The following APOLD1 variants were observed in gnomAD, a reference collection of about 807,000 sequenced individuals.
APOLD1 encodes apolipoprotein L domain-containing protein 1.
Under a neutral mutation model 15.3 loss-of-function variants are expected in APOLD1, and 22 were observed. The ratio of observed to expected loss-of-function variants is 1.44; its 90% CI spans 1.03 to 2.05. The LOEUF is 2.05. Among genes scored for constraint, APOLD1 ranks in the 30% most tolerant of loss-of-function variants. The pLI is 0.00. For synonymous variants in APOLD1, 190 were observed against 167.4 expected (o/e 1.13, Z -1.04); for missense variants, 394 against 353.5 (o/e 1.11, Z -0.92).
At chr12:12,774,481 G>A (rs919532808) in intron 1 of APOLD1, among the ~76,000 whole-genome samples, 3 of 141,722 alleles carry the variant, frequency 2.1e-5, no homozygotes, top group Non-Finnish European at 4.5e-5. Context: ...AGAAGGCAGA[G>A]GTTGCAGTGA....
chr12:12,754,121 C>T (rs183839508), intron 1 of APOLD1, among the ~76,000 whole-genome samples: 70 of 136,654 alleles, frequency 5.1e-4, no homozygotes, highest in Admixed American at 2.1e-3. Context: ...GAGGCTCACT[C>T]GAACCCAAGA....
intron 1 of APOLD1, among the ~76,000 whole-genome samples, chr12:12,758,142 TA>T (rs1182939715): frequency 4.4e-4 from 66 of 150,160 alleles, no homozygotes; most frequent in African/African-American, 8.1e-4. Context: ...TTCACTGTGT[TA>T]GCCAGGATGT....
In APOLD1 at chr12:12,787,008, G is replaced by A. The variant is rs1947133505; in HGVS notation, c.103G>A (p.Val35Met). ...LDRRGRLHGQ[V>M]LRLREVARRL... ...CCGCCGAGGCCGGCTGCACGGCCAG[G>A]TGCTGCGCCTGCGCGAGGTGGCCCG... is the stretch of plus-strand genomic sequence containing the variant. Residue 35 changes from valine (V) to methionine (M), a missense_variant, in exon 2 of 2, where the codon GTG (valine) becomes ATG (methionine). Coordinates refer to ENST00000356591, the MANE Select transcript of APOLD1 (RefSeq NM_030817.3). This position sits in a 1 kb window ranked among gnomAD's most constrained non-coding sequence, Gnocchi z 4.9. The A allele has an allele frequency of 9.3e-6, 13 of 1,398,622 alleles. No homozygotes were observed. In the South Asian group the frequency reaches 1.6e-4, roughly 17 times the overall value. 86.6% of individuals were successfully genotyped at this position (1,398,622 alleles called of 1,614,324 possible). A position where few individuals can be genotyped will look rare whatever the true frequency, so the allele number is the denominator to read the frequency against.
chr12:12,748,618 C>T (rs1946783392), intron 1 of APOLD1, among the ~76,000 whole-genome samples: 1 of 151,174 alleles, frequency 6.6e-6, no homozygotes, highest in Non-Finnish European at 1.5e-5. Flanking sequence ...CCAAATCTTT[C>T]TTCTAGCTAT....
At chr12:12,770,467 C>T (rs962827998) in intron 1 of APOLD1, among the ~76,000 whole-genome samples, 5 of 150,852 alleles carry the variant, frequency 3.3e-5, no homozygotes, top group Non-Finnish European at 2.9e-5. Flanking sequence ...ATGTCTTTGA[C>T]GTGCTTATTA....
chr12:12,735,025 G>T (rs2136369978), intron 1 of APOLD1, among the ~76,000 whole-genome samples: 1 of 152,256 alleles, frequency 6.6e-6, no homozygotes, highest in Middle Eastern at 3.4e-3. Flanking sequence ...AACTGAGGAA[G>T]CAAGCAGGGG....
intron 1 of APOLD1, among the ~76,000 whole-genome samples, chr12:12,776,003 C>CAAAAAAAAAAAAAAAAAAAAAAAAA (rs34623976): frequency 1.6e-5 from 1 of 62,204 alleles, no homozygotes; most frequent in African/African-American, 6.4e-5. Flanking sequence ...GACCCAGTCT[C>CAAAAAAAAAAAAAAAAAAAAAAAAA]AAAAAAAAAA....
In APOLD1 at chr12:12,772,467, G is replaced by A. The variant is rs1019863976; in HGVS notation, c.97-14442G>A. On this transcript the variant is annotated intron_variant, in intron 1 of 1. Transcript: ENST00000326765. ...TTACCCAGTGTATGCACCTAACAAC[G>A]GAGTGTCAAAATTTGTGAAGCAAAA... 5.3e-5 allele frequency among the ~76,000 whole-genome samples: 8 copies of A among 152,294 alleles called. No homozygotes were observed. In the East Asian group the frequency reaches 1.3e-3, roughly 26 times the overall value.
intron 1 of APOLD1, chr12:12,726,225 C>G: frequency 3.9e-6 from 3 of 776,100 alleles, no homozygotes; most frequent in Non-Finnish European, 4.2e-6. Context: ...CCACTCAGAA[C>G]CCATCATAAT....
chr12:12,739,242 G>C (rs183453135), intron 1 of APOLD1, among the ~76,000 whole-genome samples: 2 of 152,166 alleles, frequency 1.3e-5, no homozygotes, highest in Admixed American at 1.3e-4. Flanking sequence ...TATTTTTACC[G>C]TGGTTATTTA....
At chr12:12,745,274 G>A (rs912416235) in intron 1 of APOLD1, among the ~76,000 whole-genome samples, 1 of 152,190 alleles carries the variant, frequency 6.6e-6, no homozygotes, top group Non-Finnish European at 1.5e-5. Flanking sequence ...GGGCGAGGTG[G>A]CACACGCCTG....
chr12:12,727,097 C>T (rs1946599600), intron 1 of APOLD1, among the ~76,000 whole-genome samples: 1 of 152,168 alleles, frequency 6.6e-6, no homozygotes, highest in African/African-American at 2.4e-5. Flanking sequence ...GTATTTCCAA[C>T]CTTGGCATTT....
In APOLD1 at chr12:12,758,753, T is replaced by A. The variant is rs548931584; in HGVS notation, c.97-28156T>A. Reference sequence around the variant, plus strand: ...CAGCAAAACTAGCATGATTTCTTTTTCCTTCTTCACAGTGTCACCGATAGA... The same window carrying A: ...CAGCAAAACTAGCATGATTTCTTTTACCTTCTTCACAGTGTCACCGATAGA... On this transcript the variant is annotated intron_variant, in intron 1 of 1. Transcript: ENST00000326765. 2.7e-3 allele frequency among the ~76,000 whole-genome samples: 408 copies of A among 152,300 alleles called. 1 individual carries two copies. Among genetic ancestry groups the A allele is most frequent in the South Asian group, 0.011 (51 of 4,816 alleles).
intron 1 of APOLD1, among the ~76,000 whole-genome samples, chr12:12,763,625 T>C (rs2136387540): frequency 6.6e-6 from 1 of 152,230 alleles, no homozygotes; most frequent in Admixed American, 6.5e-5. Context: ...AATCTGGAGA[T>C]GATTTAAAGG....
intron 1 of APOLD1, among the ~76,000 whole-genome samples, chr12:12,778,632 C>T (rs1947056542): frequency 6.6e-6 from 1 of 152,152 alleles, no homozygotes; most frequent in Non-Finnish European, 1.5e-5. Flanking sequence ...CTAGCTCCTA[C>T]CCCTTTAATG....
intron 1 of APOLD1, among the ~76,000 whole-genome samples, chr12:12,764,215 G>A (rs1158764994): frequency 1.3e-5 from 2 of 152,036 alleles, no homozygotes; most frequent in Non-Finnish European, 2.9e-5. Flanking sequence ...CACCCATCTC[G>A]GCCTCCCAAA....
rs1279715519 is a variant in APOLD1, at chr12:12,789,230, G to C, written c.*1578G>C. Reference sequence around the variant, plus strand: ...TGCTGAGGCTCTTTGCAAGAGATGAGATTAAGTTTGAGTTTCTAAGGCAGG... The same window carrying C: ...TGCTGAGGCTCTTTGCAAGAGATGACATTAAGTTTGAGTTTCTAAGGCAGG... On this transcript the variant is annotated 3_prime_UTR_variant, in exon 2 of 2. Coordinates refer to ENST00000356591, the MANE Select transcript of APOLD1 (RefSeq NM_030817.3). The C allele has an allele frequency of 6.6e-6, 1 of 152,220 alleles. No individual in the cohort carries two copies. The highest frequency in any genetic ancestry group is 6.5e-5 in the Admixed American group (1 of 15,282). The allele number at this position is 152,220 out of a possible 1,614,324, so 9.4% of individuals were successfully genotyped here.
At chr12:12,783,678 G>T (rs1252473229), upstream of APOLD1, among the ~76,000 whole-genome samples, 2 of 145,952 alleles carry the variant, frequency 1.4e-5, no homozygotes, top group African/African-American at 5.1e-5. Flanking sequence ...CTATCATCCA[G>T]GCTGTGTTGC....
At chr12:12,739,059 G>A (rs1313485732) in intron 1 of APOLD1, among the ~76,000 whole-genome samples, 4 of 152,186 alleles carry the variant, frequency 2.6e-5, no homozygotes, top group Non-Finnish European at 4.4e-5. Context: ...TGTAAAACTG[G>A]TGGCTCTGCA....
Sources: gnomAD v4.1 joint callset for allele counts (sites outside exome capture counted in the v4.1 genomes callset) on GRCh38, gnomAD v4.1.1 for gene constraint, Gnocchi (gnomAD v3.1) non-coding constraint, MANE v1.5 for transcripts, NCBI Gene and HGNC (gene_info 2026-07-23, HGNC 2026-07-21) for gene names.